The following SRPK1 variants were observed in gnomAD, a reference collection of about 807,000 sequenced individuals.
SRPK1 encodes the protein SRSF protein kinase 1, also known as SFRS protein kinase 1.
In SRPK1, 52 loss-of-function variants were observed where a neutral mutation model predicts 89.5. That is an observed-to-expected ratio of 0.58 (90% CI 0.46 to 0.73). The LOEUF (loss-of-function observed/expected upper bound fraction) is 0.73, where lower values mean the gene tolerates loss of function less well. Ranked by LOEUF, SRPK1 falls within the 30% of genes least tolerant of loss-of-function variation. SRPK1 has a pLI of 0.00. For synonymous variants in SRPK1, 255 were observed against 270.2 expected, an observed-to-expected ratio of 0.94 and a Z score of 0.55; for missense variants, 603 against 780.6, an observed-to-expected ratio of 0.77 and a Z score of 2.71.
intron 2 of SRPK1, 147 bp downstream of exon 2, chr6:35,920,321 T>C (rs1469099484): frequency 1.2e-6 from 1 of 821,916 alleles, no homozygotes; most frequent in Non-Finnish European, 2.1e-6. Context: ...ACATGGTTGC[T>C]GGAGAGCGAC....
At chr6:35,887,651 T>C (rs377241369) in intron 5 of SRPK1, among the ~76,000 whole-genome samples, 60 of 152,162 alleles carry the variant, frequency 3.9e-4, no homozygotes, top group African/African-American at 1.3e-3. Flanking sequence ...CTATAACATA[T>C]TTGAAAAACA....
At chr6:35,871,164 A>G (rs1770028367) in intron 8 of SRPK1, among the ~76,000 whole-genome samples, 1 of 145,468 alleles carries the variant, frequency 6.9e-6, no homozygotes, top group Non-Finnish European at 1.5e-5. Context: ...GCCAAACTTA[A>G]AAAAAAGGGA....
chr6:35,918,650 T>G (rs1186543692), intron 2 of SRPK1, among the ~76,000 whole-genome samples: 1 of 152,242 alleles, frequency 6.6e-6, no homozygotes. Flanking sequence ...GATTCAAAGT[T>G]GTTCAAGATG....
intron 2 of SRPK1, chr6:35,919,990 T>C (rs2127273828): frequency 2.3e-6 from 1 of 441,626 alleles, no homozygotes; most frequent in East Asian, 7.0e-5. Flanking sequence ...CCCTCCTCTA[T>C]GAAAGGGAGT....
At chr6:35,899,800 G>A (rs1057304955) in intron 2 of SRPK1, among the ~76,000 whole-genome samples, 6 of 151,868 alleles carry the variant, frequency 4.0e-5, no homozygotes, top group African/African-American at 1.2e-4. Flanking sequence ...TCAGGAGTTC[G>A]AGACCAGCCT....
chr6:35,916,712 T>C (rs1415158317), intron 2 of SRPK1, among the ~76,000 whole-genome samples: 2 of 152,152 alleles, frequency 1.3e-5, no homozygotes, highest in Non-Finnish European at 2.9e-5. Flanking sequence ...AGTAATAAAA[T>C]CAGTAAGTAT....
chr6:35,880,456 C>G (rs1171582376), intron 6 of SRPK1, among the ~76,000 whole-genome samples: 2 of 151,890 alleles, frequency 1.3e-5, no homozygotes, highest in Non-Finnish European at 2.9e-5. Context: ...GGCACGGTGG[C>G]TCACGCCTGT....
At chr6:35,919,633 C>T (rs1771184847) in intron 2 of SRPK1, among the ~76,000 whole-genome samples, 1 of 152,212 alleles carries the variant, frequency 6.6e-6, no homozygotes, top group Non-Finnish European at 1.5e-5. Flanking sequence ...GTTCTTAAGG[C>T]TTAGCCTCAC....
At chr6:35,884,183 G>GA (rs1049046989) in intron 6 of SRPK1, among the ~76,000 whole-genome samples, 6 of 150,872 alleles carry the variant, frequency 4.0e-5, no homozygotes, top group Non-Finnish European at 5.9e-5. Context: ...AATACAGCAT[G>GA]AAAAAAAAAG....
intron 1 of SRPK1, 123 bp from the exon 2 acceptor site, chr6:35,920,651 C>G: frequency 4.4e-6 from 3 of 682,726 alleles, no homozygotes; most frequent in Non-Finnish European, 6.0e-6. Flanking sequence ...CGGCTGCGGG[C>G]TCCGGCGAGG....
chr6:35,872,783 A>G (rs1247108427), intron 7 of SRPK1, 55 bp from the exon 8 acceptor site: 5 of 1,458,122 alleles, frequency 3.4e-6, no homozygotes, highest in Non-Finnish European at 4.6e-6. Flanking sequence ...CTTTCTGGAG[A>G]AGTAAGAGAT....
rs2151076151 is a variant in SRPK1, at chr6:35,834,733, T to G, written c.*571A>C. The G allele has an allele frequency of 6.6e-6, 1 of 152,278 alleles. No homozygotes were observed. The highest frequency in any genetic ancestry group is 2.4e-5 in the African/African-American group (1 of 41,556). 9.4% of individuals were successfully genotyped at this position (152,278 alleles called of 1,614,324 possible). A position where few individuals can be genotyped will look rare whatever the true frequency, so the allele number is the denominator to read the frequency against. On this transcript the variant is annotated 3_prime_UTR_variant, in exon 16 of 16. Transcript: ENST00000373825. ...AACAGTGATAAAATGGTACCCAAAT[T>G]TGGTGTTCATATAGCTATTTAAAAA...
chr6:35,894,034 G>A (rs921435016), intron 2 of SRPK1, among the ~76,000 whole-genome samples: 1 of 151,886 alleles, frequency 6.6e-6, no homozygotes, highest in Admixed American at 6.6e-5. Flanking sequence ...AAAAAGAAAA[G>A]AAAGAAAAAG....
chr6:35,888,233 C>T (rs1455733435), intron 4 of SRPK1, 122 bp from the exon 5 acceptor site: 1 of 525,792 alleles, frequency 1.9e-6, no homozygotes, highest in African/African-American at 2.0e-5. Flanking sequence ...GTAGCCCAAA[C>T]AAGCTACTTC....
chr6:35,876,113 T>C (rs955034658), intron 6 of SRPK1, among the ~76,000 whole-genome samples: 1 of 79,936 alleles, frequency 1.3e-5, no homozygotes, highest in Non-Finnish European at 2.7e-5. Context: ...AAAAAGGCAA[T>C]GTCATAAATG....
chr6:35,864,872 CCTGT>C (rs1769860352), intron 12 of SRPK1, among the ~76,000 whole-genome samples: 1 of 152,034 alleles, frequency 6.6e-6, no homozygotes, highest in Non-Finnish European at 1.5e-5. Flanking sequence ...AGAATGGGAT[CCTGT>C]CATTTACAAC....
Position 35,835,349 on chromosome 6 carries a change from T to G in SRPK1, c.1923A>C (p.Arg641Ser). The part of the protein sequence containing the change: ...LPMLELIPEK[R>S]ATAAECLRHP... Reference sequence around the variant, plus strand: ...GCCGGAGACACTCGGCGGCAGTGGCTCTCTTCTCAGGGATCAGCTCCAACA... The same window carrying G: ...GCCGGAGACACTCGGCGGCAGTGGCGCTCTTCTCAGGGATCAGCTCCAACA... The change falls in exon 16 of 16, where the codon AGA becomes AGC. Residue 641 changes from arginine (R) to serine (S), a missense_variant. Arg to Ser is a moderately radical substitution (Grantham distance 110, BLOSUM62 -1). Coordinates refer to ENST00000373825, the MANE Select transcript of SRPK1 (RefSeq NM_003137.5). The G allele has an allele frequency of 6.2e-7, 1 of 1,613,776 alleles. No individual in the cohort carries two copies.
intron 2 of SRPK1, among the ~76,000 whole-genome samples, chr6:35,918,690 T>C (rs1771165805): frequency 6.6e-6 from 1 of 152,226 alleles, no homozygotes; most frequent in South Asian, 2.1e-4. Context: ...TGCTAGATTA[T>C]CTATAATCCA....
intron 6 of SRPK1, among the ~76,000 whole-genome samples, chr6:35,885,080 T>C (rs923384342): frequency 2.0e-5 from 3 of 152,140 alleles, no homozygotes; most frequent in African/African-American, 7.2e-5. Flanking sequence ...GTACTCAGCA[T>C]TACTGGGGAG....
Sources: gnomAD v4.1 joint callset for allele counts (sites outside exome capture counted in the v4.1 genomes callset) on GRCh38, gnomAD v4.1.1 for gene constraint, MANE v1.5 for transcripts, NCBI Gene and HGNC (gene_info 2026-07-23, HGNC 2026-07-21) for gene names.